Variants in EYS observed in about 807,000 individuals in gnomAD.
EYS encodes the protein protein eyes shut homolog.
Under a neutral mutation model 282.1 loss-of-function variants are expected in EYS, and 250 were observed. The ratio of observed to expected loss-of-function variants is 0.89; its 90% CI spans 0.80 to 0.98. The LOEUF (loss-of-function observed/expected upper bound fraction) is 0.98, where lower values mean the gene tolerates loss of function less well. Ranked by LOEUF, EYS falls within the 50% of genes least tolerant of loss-of-function variation. The pLI is 0.00. For synonymous variants in EYS, 1,355 were observed against 1,282.9 expected (o/e 1.06, Z -1.20); for missense variants, 4,016 against 3,709.0 (o/e 1.08, Z -2.15).
chr6:64,299,852 T>C (rs1055960991), intron 30 of EYS, among the ~76,000 whole-genome samples: 2 of 152,106 alleles, frequency 1.3e-5, no homozygotes, highest in African/African-American at 2.4e-5. Context: ...TCTAACACTA[T>C]GGGCTTTGGT....
chr6:64,498,970 T>C (rs1438228810), intron 26 of EYS, among the ~76,000 whole-genome samples: 1 of 152,202 alleles, frequency 6.6e-6, no homozygotes, highest in Non-Finnish European at 1.5e-5. Flanking sequence ...CCTTTGGGTA[T>C]ATACCCAGTA....
intron 15 of EYS, among the ~76,000 whole-genome samples, chr6:64,930,637 A>G (rs2150086878): frequency 6.6e-6 from 1 of 152,268 alleles, no homozygotes; most frequent in East Asian, 1.9e-4. Context: ...TTTATAAGAG[A>G]TGAAAATTTT....
chr6:64,235,779 A>C (rs1054305674), intron 30 of EYS, among the ~76,000 whole-genome samples: 1 of 152,154 alleles, frequency 6.6e-6, no homozygotes, highest in Non-Finnish European at 1.5e-5. Context: ...AATGATTGCC[A>C]TTCTAACTCT....
Position 64,284,019 on chromosome 6 carries a change from C to T in EYS, c.6191+22951G>A, listed in dbSNP as rs1030590585. On this transcript the variant is annotated intron_variant, in intron 30 of 42. Coordinates refer to ENST00000503581, the MANE Select transcript of EYS (RefSeq NM_001142800.2). ...CACAGAGCCAAACCATATCATTCCA[C>T]CCCTGGCCCCTCCAAATATCATGTC... Among the ~76,000 whole-genome samples, 15 of 152,248 alleles carry T rather than the reference C, an allele frequency of 9.9e-5. No homozygotes were observed. The South Asian group carries it at 1.5e-3, about 15-fold the overall frequency.
At chr6:65,097,802 TA>T (rs145088973) in intron 12 of EYS, among the ~76,000 whole-genome samples, 9,801 of 141,238 alleles carry the variant, frequency 0.069, 1,076 homozygotes, top group African/African-American at 0.23. Context: ...TAAAATAAAA[TA>T]AAAAAAAAAA....
At chr6:63,919,003 T>C (rs1295146965) in intron 35 of EYS, among the ~76,000 whole-genome samples, 1 of 152,302 alleles carries the variant, frequency 6.6e-6, no homozygotes, top group Admixed American at 6.5e-5. Context: ...GGTAATTGGG[T>C]ACCCAGGGCT....
intron 12 of EYS, among the ~76,000 whole-genome samples, chr6:65,093,066 T>C (rs1774621786): frequency 6.6e-6 from 1 of 152,154 alleles, no homozygotes; most frequent in Non-Finnish European, 1.5e-5. Flanking sequence ...TGACATCACA[T>C]ACAAGCAACC....
At chr6:64,652,513 A>AG (rs145967576) in intron 22 of EYS, among the ~76,000 whole-genome samples, 3,076 of 152,254 alleles carry the variant, frequency 0.02, 95 homozygotes, top group African/African-American at 0.069. Flanking sequence ...TGAGCTTGGA[A>AG]GGAAACCCTA....
At chr6:64,095,613 C>T (rs968575677) in intron 31 of EYS, among the ~76,000 whole-genome samples, 13 of 149,740 alleles carry the variant, frequency 8.7e-5, no homozygotes, top group African/African-American at 3.2e-4. Context: ...CTTGGTAGAT[C>T]TTCCTCTGTC....
chr6:64,898,492 C>A (rs4710509), intron 18 of EYS, among the ~76,000 whole-genome samples: 108,185 of 151,706 alleles, frequency 0.71, 39,576 homozygotes, highest in African/African-American at 0.89. Flanking sequence ...CAGCCTCTGC[C>A]AAAACAAGCC....
chr6:64,125,154 G>GCGCGCGCGCGCGCGCGCGCTCTC (rs1773724746), intron 31 of EYS, among the ~76,000 whole-genome samples: 7 of 145,264 alleles, frequency 4.8e-5, no homozygotes, highest in African/African-American at 1.8e-4. Context: ...CACACTCTCT[G>GCGCGCGCGCGCGCGCGCGCTCTC]TCTCTCTCTC....
chr6:64,090,002 G>A (rs914216465), intron 31 of EYS, among the ~76,000 whole-genome samples: 1 of 152,046 alleles, frequency 6.6e-6, no homozygotes, highest in African/African-American at 2.4e-5. Flanking sequence ...TGATCATCAT[G>A]ATTTGCTATT....
At chr6:65,147,596 T>C (rs555743356) in intron 12 of EYS, among the ~76,000 whole-genome samples, 3 of 152,120 alleles carry the variant, frequency 2.0e-5, no homozygotes, top group African/African-American at 7.2e-5. Flanking sequence ...TTGATATTAA[T>C]GTTGTCACTC....
intron 22 of EYS, among the ~76,000 whole-genome samples, chr6:64,722,488 G>A (rs1236873088): frequency 6.7e-6 from 1 of 150,046 alleles, no homozygotes; most frequent in African/African-American, 2.5e-5. Flanking sequence ...TCTACCACCT[G>A]TAAAATAGTA....
In EYS at chr6:64,945,207, G is replaced by A. The variant is rs56173067; in HGVS notation, c.2381+586C>T. 8.0e-3 allele frequency among the ~76,000 whole-genome samples: 1,195 copies of A among 149,900 alleles called. 18 individuals are homozygous for A. The highest frequency in any genetic ancestry group is 0.028 in the African/African-American group (1,139 of 40,928). ...AAGGTGTGATATGCTGAATCTATAA[G>A]GAACTTATTCAACAAGCAAAAAACA... On this transcript the variant is annotated intron_variant, in intron 15 of 42. Transcript: ENST00000503581.
chr6:63,940,856 C>T (rs1277400895), intron 35 of EYS, among the ~76,000 whole-genome samples: 1 of 136,602 alleles, frequency 7.3e-6, no homozygotes, highest in Non-Finnish European at 1.6e-5. Context: ...ACAACAGGCC[C>T]CGGTGTGTGA....
intron 26 of EYS, among the ~76,000 whole-genome samples, chr6:64,509,093 GTTAGTT>G (rs1777304644): frequency 6.6e-6 from 1 of 152,142 alleles, no homozygotes; most frequent in African/African-American, 2.4e-5. Flanking sequence ...GAAGAAAAAT[GTTAGTT>G]TTAAATTTTA....
At chr6:63,802,948 C>G (rs1770816078) in intron 37 of EYS, among the ~76,000 whole-genome samples, 2 of 152,122 alleles carry the variant, frequency 1.3e-5, no homozygotes, top group African/African-American at 2.4e-5. Flanking sequence ...GCATTAATTC[C>G]TCTGCATACA....
At chr6:64,436,784 G>A (rs528505894) in intron 27 of EYS, among the ~76,000 whole-genome samples, 9 of 151,800 alleles carry the variant, frequency 5.9e-5, no homozygotes, top group Non-Finnish European at 1.3e-4. Context: ...GATCTAGAGA[G>A]GAAAAATCAT....
Sources: gnomAD v4.1 joint callset for allele counts (sites outside exome capture counted in the v4.1 genomes callset) on GRCh38, gnomAD v4.1.1 for gene constraint, MANE v1.5 for transcripts, NCBI Gene and HGNC (gene_info 2026-07-23, HGNC 2026-07-21) for gene names.